The following CCNB1 variants were observed in gnomAD, a reference collection of about 807,000 sequenced individuals.
CCNB1 encodes the protein G2/mitotic-specific cyclin-B1.
In CCNB1, 26 loss-of-function variants were observed where a neutral mutation model predicts 44.4. The ratio of observed to expected loss-of-function variants is 0.59; its 90% CI spans 0.43 to 0.81. The LOEUF (loss-of-function observed/expected upper bound fraction) is 0.81. Among genes scored for constraint, CCNB1 ranks in the 40% least tolerant of loss-of-function variants. The probability of loss-of-function intolerance (pLI) is 0.00; values close to 1 mark genes in which losing one functional copy is unlikely to be tolerated. For synonymous variants in CCNB1, 195 were observed against 181.4 expected (o/e 1.08, Z -0.60); for missense variants, 477 against 520.9 (o/e 0.92, Z 0.82).
chr5:69,177,468 G>A, intron 8 of CCNB1, 56 bp from the exon 9 acceptor site: 4 of 1,278,824 alleles, frequency 3.1e-6, no homozygotes, highest in Non-Finnish European at 4.5e-6. Context: ...CTGTATCATT[G>A]CATCTTGTGA....
chr5:69,176,442 C>T lies in CCNB1; in HGVS notation c.1084-797C>T, dbSNP rs903935283. ...CGTGATCTCGGCTCACTGCAACCTCCGCCTCCTGGGTTCATGCCATTCTCC... is the reference window on the plus strand; with the variant it reads ...CGTGATCTCGGCTCACTGCAACCTCTGCCTCCTGGGTTCATGCCATTCTCC... On this transcript the variant is annotated intron_variant, in intron 7 of 8. Coordinates refer to ENST00000256442, the MANE Select transcript of CCNB1 (RefSeq NM_031966.4). 1.3e-4 allele frequency among the ~76,000 whole-genome samples: 20 copies of T among 151,772 alleles called. 1 individual carries two copies. Among genetic ancestry groups the T allele is most frequent in the Admixed American group, 9.2e-4 (14 of 15,252 alleles).
intron 3 of CCNB1, 24 bp downstream of exon 3, chr5:69,168,367 G>A: frequency 6.2e-7 from 1 of 1,613,440 alleles, no homozygotes; most frequent in Non-Finnish European, 8.5e-7. Context: ...TACCATTGTA[G>A]AGTCTGTTGA....
In CCNB1 at chr5:69,167,897, G is replaced by C. The variant is rs1747371161; in HGVS notation, c.22-11G>C. The stretch of plus-strand genomic sequence containing the variant: ...GTGGATCAGCTCTTAAAGTGGTCTT[G>C]CTTCTTTCAGAACTCGAAAATTAAT... On this transcript the variant is annotated splice_polypyrimidine_tract_variant and intron_variant, in intron 1 of 8. Transcript: ENST00000256442. 3 of 1,605,144 alleles carry C rather than the reference G, an allele frequency of 1.9e-6. No individual in the cohort carries two copies. Among genetic ancestry groups the C allele is most frequent in the Non-Finnish European group, 2.5e-6 (3 of 1,176,480 alleles).
intron 4 of CCNB1, among the ~76,000 whole-genome samples, chr5:69,172,590 C>T (rs1470622740): frequency 1.3e-5 from 2 of 151,950 alleles, no homozygotes; most frequent in African/African-American, 2.4e-5. Flanking sequence ...CTTATGTCAT[C>T]ACTGACATGT....
At position 69,167,268 on chromosome 5, in the gene CCNB1, G is replaced by A. The variant is rs751177924; in HGVS notation, c.6G>A (p.Ala2=). Reference sequence around the variant, plus strand: ...TGCCTGGTGAAGAGGAAGCCATGGCGCTCCGAGTCACCAGGGTGAGCCGCT... The same window carrying A: ...TGCCTGGTGAAGAGGAAGCCATGGCACTCCGAGTCACCAGGGTGAGCCGCT... The part of the protein sequence containing the change: M[A]LRVTRNSKIN... The change falls in exon 1 of 9, where the codon GCG becomes GCA. Residue 2 remains alanine (A), a synonymous_variant. Transcript: ENST00000256442. The A allele has an allele frequency of 6.4e-7, 1 of 1,574,100 alleles. No homozygotes were observed. The highest frequency in any genetic ancestry group is 8.6e-7 in the Non-Finnish European group (1 of 1,162,164).
chr5:69,177,126 A>G (rs1302710292), intron 7 of CCNB1, 113 bp from the exon 8 acceptor site: 6 of 556,856 alleles, frequency 1.1e-5, no homozygotes, highest in Non-Finnish European at 1.9e-5. Context: ...TTTCAGTTAT[A>G]TTAATTATAC....
chr5:69,176,457 T>C (rs139687968), intron 7 of CCNB1, among the ~76,000 whole-genome samples: 115 of 151,470 alleles, frequency 7.6e-4, no homozygotes, highest in African/African-American at 2.5e-3. Flanking sequence ...CCTGGGTTCA[T>C]GCCATTCTCC....
rs753936963 is a variant in CCNB1 at position 69,174,383 on chromosome 5, G to A, written c.679G>A (p.Val227Ile). The stretch of plus-strand genomic sequence containing the variant: ...GTTGCAGGAGACCATGTACATGACT[G>A]TCTCCATTATTGATCGGTTCATGCA... ...RLLQETMYMT[V>I]SIIDRFMQNN... Residue 227 changes from valine (V) to isoleucine (I), a missense_variant, in exon 5 of 9, where the codon GTC becomes ATC. Val to Ile is a conservative substitution (Grantham distance 29, BLOSUM62 3). Transcript: ENST00000256442. 2.5e-6 allele frequency: 4 copies of A among 1,613,986 alleles called. No individual in the cohort carries two copies. The South Asian group carries it at 3.3e-5, about 13-fold the overall frequency.
rs1491077626 is a variant in CCNB1, at chr5:69,174,776, AAG to A, written c.706-99_706-98del. 2,982 of 935,452 alleles carry A rather than the reference AAG, an allele frequency of 3.2e-3. 70 individuals carry two copies. In the African/African-American group the frequency reaches 0.043, roughly 14 times the overall value. The allele number at this position is 935,452 out of a possible 1,614,324, so 57.9% of individuals were successfully genotyped here. On this transcript the variant is annotated intron_variant, in intron 5 of 8. Coordinates refer to ENST00000256442, the MANE Select transcript of CCNB1 (RefSeq NM_031966.4). Reference sequence around the variant, plus strand: ...CTTTCTTGGGGGATATGGTGTCATTAAGATTTTGCTATGGGAGAATGTCTTTC... The same window carrying A: ...CTTTCTTGGGGGATATGGTGTCATTAATTTTGCTATGGGAGAATGTCTTTC...
intron 7 of CCNB1, among the ~76,000 whole-genome samples, chr5:69,176,024 C>T (rs1171143051): frequency 8.2e-6 from 1 of 122,684 alleles, no homozygotes; most frequent in Non-Finnish European, 1.6e-5. Flanking sequence ...TACAGGCACA[C>T]GCCTGTAGTC....
intron 3 of CCNB1, among the ~76,000 whole-genome samples, chr5:69,169,524 T>C (rs1747412220): frequency 6.6e-6 from 1 of 152,218 alleles, no homozygotes; most frequent in South Asian, 2.1e-4. Context: ...CTTTCCCACT[T>C]AGTAAGAATG....
chr5:69,172,485 G>A (rs1011186611), intron 4 of CCNB1, among the ~76,000 whole-genome samples: 1 of 152,010 alleles, frequency 6.6e-6, no homozygotes, highest in Non-Finnish European at 1.5e-5. Context: ...TCGAACTCCT[G>A]ACCTTAGATG....
At chr5:69,176,574 G>C (rs1028749155) in intron 7 of CCNB1, among the ~76,000 whole-genome samples, 2 of 149,516 alleles carry the variant, frequency 1.3e-5, no homozygotes, top group African/African-American at 4.9e-5. Flanking sequence ...GTTTCACCGT[G>C]TTAGCCAGGA....
chr5:69,172,581 TTATGTC>T (rs1356181686), intron 4 of CCNB1, among the ~76,000 whole-genome samples: 3 of 152,018 alleles, frequency 2.0e-5, no homozygotes, highest in Non-Finnish European at 4.4e-5. Context: ...ATGTGTTGTC[TTATGTC>T]ATCACTGACA....
At chr5:69,176,542 A>ATATT (rs1554057063) in intron 7 of CCNB1, among the ~76,000 whole-genome samples, 2 of 146,142 alleles carry the variant, frequency 1.4e-5, no homozygotes, top group Non-Finnish European at 3.0e-5. Flanking sequence ...ATATATATAT[A>ATATT]TTTTTTTTTA....
intron 3 of CCNB1, among the ~76,000 whole-genome samples, chr5:69,169,002 T>C (rs1747402078): frequency 6.6e-6 from 1 of 152,228 alleles, no homozygotes; most frequent in African/African-American, 2.4e-5. Flanking sequence ...GCTGCTTTGA[T>C]GAAATTGCAA....
intron 6 of CCNB1, 118 bp from the exon 7 acceptor site, chr5:69,175,279 C>A (rs887577120): frequency 9.3e-7 from 1 of 1,075,242 alleles, no homozygotes; most frequent in Non-Finnish European, 1.4e-6. Flanking sequence ...TAGGACTTTC[C>A]ATGGGCATTT....
At chr5:69,170,025 A>G (rs1747425048) in intron 3 of CCNB1, among the ~76,000 whole-genome samples, 1 of 150,148 alleles carries the variant, frequency 6.7e-6, no homozygotes, top group Admixed American at 6.7e-5. Context: ...GCACAATGGC[A>G]CGATCTTGGC....
intron 5 of CCNB1, among the ~76,000 whole-genome samples, chr5:69,174,637 T>A (rs1747539321): frequency 6.6e-6 from 1 of 151,912 alleles, no homozygotes; most frequent in Admixed American, 6.6e-5. Context: ...TAGTCCCAGC[T>A]ACTGGAGGCG....
Sources: allele counts gnomAD v4.1 joint callset (sites outside exome capture counted in the v4.1 genomes callset), GRCh38; gene constraint gnomAD v4.1.1; transcripts MANE v1.5; gene names NCBI Gene and HGNC (gene_info 2026-07-23, HGNC 2026-07-21).